RNF115: variants seen among roughly 807,000 people sequenced by gnomAD.
RNF115 encodes E3 ubiquitin-protein ligase RNF115.
Under a neutral mutation model 39.2 loss-of-function variants are expected in RNF115, and 31 were observed. The observed-to-expected ratio is 0.79, with a 90% CI of 0.59 to 1.07. The LOEUF is 1.07. Among genes scored for constraint, RNF115 ranks in the 50% least tolerant of loss-of-function variants. The pLI, the probability that RNF115 is intolerant of heterozygous loss-of-function variation, is 0.00. For synonymous variants in RNF115, 124 were observed against 131.0 expected (o/e 0.95, Z 0.37); for missense variants, 384 against 381.7 (o/e 1.01, Z -0.05).
At chr1:145,811,900 A>T (rs57110880) in intron 1 of RNF115, among the ~76,000 whole-genome samples, 1 of 98,496 alleles carries the variant, frequency 1.0e-5, no homozygotes, top group Non-Finnish European at 2.2e-5. Context: ...AAAAAAAAAA[A>T]AAAAAAAAAT....
At chr1:145,778,455 C>T (rs1647976531) in intron 3 of RNF115, among the ~76,000 whole-genome samples, 1 of 152,082 alleles carries the variant, frequency 6.6e-6, no homozygotes, top group South Asian at 2.1e-4. Flanking sequence ...TAGCTGTACA[C>T]TTTAACAGGG....
chr1:145,749,494 C>T (rs1553712164), intron 7 of RNF115, among the ~76,000 whole-genome samples: 1 of 152,156 alleles, frequency 6.6e-6, no homozygotes, highest in Non-Finnish European at 1.5e-5. Context: ...TTCCCTGTCC[C>T]TTAAGATGGC....
At chr1:145,793,092 G>A (rs1553719218) in intron 1 of RNF115, among the ~76,000 whole-genome samples, 1 of 152,170 alleles carries the variant, frequency 6.6e-6, no homozygotes, top group African/African-American at 2.4e-5. Flanking sequence ...GCTGAGGCAG[G>A]AAGATTGCTA....
chr1:145,799,863 GA>G (rs1297267941), intron 1 of RNF115, among the ~76,000 whole-genome samples: 2 of 151,878 alleles, frequency 1.3e-5, no homozygotes, highest in Non-Finnish European at 2.9e-5. Context: ...CAGAGTGCTG[GA>G]ATTACAGGCA....
At chr1:145,758,744 T>C (rs1658392218) in intron 4 of RNF115, among the ~76,000 whole-genome samples, 1 of 152,182 alleles carries the variant, frequency 6.6e-6, no homozygotes, top group Non-Finnish European at 1.5e-5. Flanking sequence ...CAGCTGATGA[T>C]TTCTCTTTCT....
intron 4 of RNF115, among the ~76,000 whole-genome samples, chr1:145,765,055 C>CTT (rs782430921): frequency 6.0e-5 from 9 of 150,822 alleles, no homozygotes; most frequent in East Asian, 1.9e-4. Flanking sequence ...ACATGGGAGA[C>CTT]TTCATTTTGT....
intron 4 of RNF115, among the ~76,000 whole-genome samples, chr1:145,765,228 T>C (rs367955164): frequency 5.9e-5 from 9 of 152,124 alleles, no homozygotes; most frequent in Admixed American, 2.0e-4. Flanking sequence ...GCAGCATGCT[T>C]GTTAAGAGTC....
chr1:145,820,932 G>T (rs1363939868), intron 1 of RNF115, among the ~76,000 whole-genome samples: 3 of 131,052 alleles, frequency 2.3e-5, no homozygotes, highest in Non-Finnish European at 4.9e-5. Context: ...AAAAAAACAT[G>T]ATTTATTAAA....
chr1:145,822,717 T>C (rs111475419), intron 1 of RNF115, among the ~76,000 whole-genome samples: 76,735 of 146,180 alleles, frequency 0.52, 21,849 homozygotes, highest in African/African-American at 0.71. Flanking sequence ...CCCAAAACAG[T>C]TTCTGGGTTT....
In RNF115 at chr1:145,770,921, C is replaced by T. The variant is rs587763390; in HGVS notation, c.428+790G>A. On this transcript the variant is annotated intron_variant, in intron 4 of 8. Transcript: ENST00000582693. The stretch of plus-strand genomic sequence containing the variant: ...AACATTTATTACATGAATGTTTTTA[C>T]AGTCACAAGACTTCATATTTATCCT... Among the ~76,000 whole-genome samples the T allele has an allele frequency of 5.9e-4, 90 of 152,266 alleles. 1 individual carries two copies. The highest frequency in any genetic ancestry group is 2.1e-3 in the African/African-American group (86 of 41,558).
At chr1:145,767,152 CG>C (rs1407359004) in intron 4 of RNF115, among the ~76,000 whole-genome samples, 2 of 150,796 alleles carry the variant, frequency 1.3e-5, no homozygotes, top group Admixed American at 1.3e-4. Flanking sequence ...GGCTGCCGGG[CG>C]GAGGGGCTCC....
chr1:145,787,586 A>G (rs587747520), intron 2 of RNF115, among the ~76,000 whole-genome samples: 42 of 151,058 alleles, frequency 2.8e-4, no homozygotes, highest in Non-Finnish European at 4.9e-4. Flanking sequence ...AAAAAAAAAA[A>G]AAAAAGAAAA....
In RNF115 at chr1:145,760,594, G is replaced by A. The variant is rs140545301; in HGVS notation, c.429-7545C>T. On this transcript the variant is annotated intron_variant, in intron 4 of 8. Transcript: ENST00000582693. ...CTTCTTCCTCATTTCTCTTGCCGCC[G>A]CCATGTAAGAAGTGCCTTTCACCTC... Among the ~76,000 whole-genome samples the A allele has an allele frequency of 5.9e-5, 9 of 152,212 alleles. No homozygotes were observed. In the East Asian group the frequency reaches 7.7e-4, roughly 13 times the overall value.
chr1:145,807,419 T>A (rs1649508780), intron 1 of RNF115, among the ~76,000 whole-genome samples: 2 of 152,160 alleles, frequency 1.3e-5, no homozygotes, highest in South Asian at 4.1e-4. Flanking sequence ...TAAAACAACT[T>A]CTCCCTATCC....
Position 145,741,161 on chromosome 1 carries a change from T to C in RNF115, c.*5705A>G, listed in dbSNP as rs1411286000. 1 of 152,168 alleles carries C rather than the reference T, an allele frequency of 6.6e-6. No individual in the cohort carries two copies. The highest frequency in any genetic ancestry group is 6.5e-5 in the Admixed American group (1 of 15,282). The allele number at this position is 152,168 out of a possible 1,614,324, so 9.4% of individuals were successfully genotyped here. ...CCAAGAATCTAATAATTTTTGGATC[T>C]TGAAAATTGTATTTCTTATTAGAAA... On this transcript the variant is annotated 3_prime_UTR_variant, in exon 9 of 9. Transcript: ENST00000582693.
chr1:145,808,967 A>T (rs1212476264), intron 1 of RNF115, among the ~76,000 whole-genome samples: 2 of 152,304 alleles, frequency 1.3e-5, no homozygotes, highest in East Asian at 3.9e-4. Context: ...TCATTAAAGT[A>T]ACTCTGCCTA....
chr1:145,748,667 C>A (rs973166943), intron 7 of RNF115, among the ~76,000 whole-genome samples: 1 of 151,924 alleles, frequency 6.6e-6, no homozygotes, highest in Non-Finnish European at 1.5e-5. Context: ...GGGTGGATCA[C>A]GAGGTCAGGA....
intron 1 of RNF115, among the ~76,000 whole-genome samples, chr1:145,807,866 C>T (rs1395909411): frequency 6.6e-6 from 1 of 152,146 alleles, no homozygotes; most frequent in Non-Finnish European, 1.5e-5. Flanking sequence ...CCCTTCCCAG[C>T]CTCAGATATC....
rs1404821744 is a variant in RNF115, at chr1:145,743,184, G to C, written c.*3682C>G. The C allele has an allele frequency of 1.3e-5, 2 of 152,194 alleles. No individual in the cohort carries two copies. Among genetic ancestry groups the C allele is most frequent in the Non-Finnish European group, 2.9e-5 (2 of 68,050 alleles). The allele number at this position is 152,194 out of a possible 1,614,324, so 9.4% of individuals were successfully genotyped here. Reference sequence around the variant, plus strand: ...TGTCTGTGAAGGTGTTTTTGGAAGAGACTAACATTTCAGTCAGTAGACTGA... The same window carrying C: ...TGTCTGTGAAGGTGTTTTTGGAAGACACTAACATTTCAGTCAGTAGACTGA... On this transcript the variant is annotated 3_prime_UTR_variant, in exon 9 of 9. Coordinates refer to ENST00000582693, the MANE Select transcript of RNF115 (RefSeq NM_014455.4).
Sources: allele counts gnomAD v4.1 joint callset (sites outside exome capture counted in the v4.1 genomes callset), GRCh38; gene constraint gnomAD v4.1.1; transcripts MANE v1.5; gene names NCBI Gene and HGNC (gene_info 2026-07-23, HGNC 2026-07-21).